Variants in GRIN2A observed in about 807,000 individuals in gnomAD.
GRIN2A encodes glutamate receptor ionotropic, NMDA 2A.
A neutral mutation model predicts 113.4 loss-of-function variants in GRIN2A; 22 were observed. The ratio of observed to expected loss-of-function variants is 0.19; its 90% CI spans 0.14 to 0.28. The LOEUF is 0.28. GRIN2A is among the 10% of genes least tolerant of loss of function. The probability of loss-of-function intolerance (pLI) is 1.00; values close to 1 mark genes in which losing one functional copy is unlikely to be tolerated. For missense variants in GRIN2A, 1,502 were observed against 1,887.0 expected, an observed-to-expected ratio of 0.80 and a Z score of 3.78; for synonymous variants, 827 against 738.4, an observed-to-expected ratio of 1.12 and a Z score of -1.94.
At chr16:10,080,029 A>T (rs1004904222) in intron 2 of GRIN2A, among the ~76,000 whole-genome samples, 1 of 152,214 alleles carries the variant, frequency 6.6e-6, no homozygotes, top group Non-Finnish European at 1.5e-5. Context: ...AATTGATGGC[A>T]CTTTTGTGCA....
chr16:9,866,283 A>G (rs2043159007), intron 4 of GRIN2A, among the ~76,000 whole-genome samples: 1 of 152,178 alleles, frequency 6.6e-6, no homozygotes, highest in Non-Finnish European at 1.5e-5. Context: ...AAGGAGTGCA[A>G]TGGAGGGGAG....
At chr16:10,010,282 T>A (rs950989867) in intron 2 of GRIN2A, among the ~76,000 whole-genome samples, 1 of 152,222 alleles carries the variant, frequency 6.6e-6, no homozygotes, top group African/African-American at 2.4e-5. Context: ...CTCACCTAGG[T>A]GAGTTTCCAC....
Position 9,822,169 on chromosome 16 carries a change from A to G in GRIN2A, c.2168+95T>C, listed in dbSNP as rs1013166701. The stretch of plus-strand genomic sequence containing the variant: ...ACCACAGTCACTCTCCAGAAATACA[A>G]TGGGAGCAGATAGGAACTGAGGCAT... On this transcript the variant is annotated intron_variant, in intron 10 of 12. Transcript: ENST00000330684. 6.0e-5 allele frequency: 77 copies of G among 1,272,798 alleles called. 2 individuals are homozygous for G. In the South Asian group the frequency reaches 8.6e-4, roughly 14 times the overall value. 78.8% of individuals were successfully genotyped at this position (1,272,798 alleles called of 1,614,324 possible).
chr16:9,891,035 T>A lies in GRIN2A; in HGVS notation c.1073A>T (p.His358Leu), dbSNP rs1368175896. ...LSFTEEGYQV[H>L]PRLVVIVLNK... The stretch of plus-strand genomic sequence containing the variant: ...CAGCACAATCACCACCAGCCTGGGG[T>A]GCACCTGGTAGCCTTCCTCAGTGAA... Residue 358 changes from histidine to leucine, a missense_variant, in exon 4 of 13, where the codon CAC (histidine) becomes CTC (leucine). Physicochemically the swap from His to Leu is moderately conservative, Grantham distance 99 (BLOSUM62 -3). Transcript: ENST00000330684. 1.2e-6 allele frequency: 2 copies of A among 1,613,392 alleles called. No individual in the cohort carries two copies. Among genetic ancestry groups the A allele is most frequent in the African/African-American group, 1.3e-5 (1 of 74,888 alleles).
intron 4 of GRIN2A, among the ~76,000 whole-genome samples, chr16:9,876,587 T>C (rs1426240095): frequency 2.0e-5 from 3 of 152,168 alleles, no homozygotes; most frequent in African/African-American, 7.2e-5. Context: ...AGCCTGGTGT[T>C]GGGTCTGATC....
intron 9 of GRIN2A, among the ~76,000 whole-genome samples, chr16:9,823,610 G>C (rs1264451809): frequency 6.6e-6 from 1 of 152,212 alleles, no homozygotes; most frequent in African/African-American, 2.4e-5. Context: ...TGGGAACCTA[G>C]TTGGGTCCAG....
At chr16:10,113,560 C>A (rs927105666) in intron 2 of GRIN2A, among the ~76,000 whole-genome samples, 11 of 152,218 alleles carry the variant, frequency 7.2e-5, no homozygotes, top group Non-Finnish European at 1.5e-4. Context: ...ACAGTTACAT[C>A]ACTGTGTATT....
intron 11 of GRIN2A, among the ~76,000 whole-genome samples, chr16:9,777,937 C>T (rs577620739): frequency 1.4e-4 from 21 of 152,178 alleles, no homozygotes; most frequent in Non-Finnish European, 2.6e-4. Flanking sequence ...TGGTCGTGGG[C>T]GCCTGTAATC....
At chr16:9,905,485 CA>C (rs1230479742) in intron 3 of GRIN2A, among the ~76,000 whole-genome samples, 1 of 152,160 alleles carries the variant, frequency 6.6e-6, no homozygotes, top group Non-Finnish European at 1.5e-5. Flanking sequence ...TAAAGGCATT[CA>C]AATTCATTTA....
intron 2 of GRIN2A, among the ~76,000 whole-genome samples, chr16:10,110,255 A>G (rs952596778): frequency 2.6e-5 from 4 of 152,232 alleles, no homozygotes; most frequent in African/African-American, 9.6e-5. Flanking sequence ...GAAAAGTTGA[A>G]TGGAAACCAT....
intron 3 of GRIN2A, among the ~76,000 whole-genome samples, chr16:9,912,325 T>C (rs1175488050): frequency 2.0e-5 from 3 of 151,938 alleles, no homozygotes; most frequent in East Asian, 1.9e-4. Context: ...AATGATGTGA[T>C]GTTGATGATG....
At chr16:10,114,711 G>C (rs1361346782) in intron 2 of GRIN2A, among the ~76,000 whole-genome samples, 1 of 152,192 alleles carries the variant, frequency 6.6e-6, no homozygotes, top group Non-Finnish European at 1.5e-5. Flanking sequence ...AGAGCCCAAA[G>C]CCTGTGCTTA....
Position 9,754,672 on chromosome 16 carries a change from A to G in GRIN2A, c.*8477T>C, listed in dbSNP as rs898784271. 2 of 218,542 alleles carry G rather than the reference A, an allele frequency of 9.2e-6. No homozygotes were observed. The highest frequency in any genetic ancestry group is 1.4e-4 in the East Asian group (2 of 14,736). 13.5% of individuals were successfully genotyped at this position (218,542 alleles called of 1,614,324 possible). ...AATTTAAAAAAGATTTTAAAAGTCA[A>G]TACTGTTCATTCACTTGAATTAGCT... is the stretch of plus-strand genomic sequence containing the variant. On this transcript the variant is annotated 3_prime_UTR_variant, in exon 13 of 13. Transcript: ENST00000330684.
chr16:10,106,256 T>C (rs2048499630), intron 2 of GRIN2A, among the ~76,000 whole-genome samples: 1 of 151,756 alleles, frequency 6.6e-6, no homozygotes, highest in African/African-American at 2.4e-5. Context: ...CAAATTCTTT[T>C]TTAATTTACA....
chr16:10,112,193 C>T, intron 2 of GRIN2A: 1 of 590,694 alleles, frequency 1.7e-6, no homozygotes. Flanking sequence ...ACGTCATAGT[C>T]TTGGACTCCT....
intron 2 of GRIN2A, among the ~76,000 whole-genome samples, chr16:9,939,356 G>T (rs2044800561): frequency 6.6e-6 from 1 of 152,120 alleles, no homozygotes; most frequent in Non-Finnish European, 1.5e-5. Flanking sequence ...ACCGAAAGGA[G>T]GCGGACGATA....
At chr16:10,128,450 A>G (rs899334880) in intron 2 of GRIN2A, among the ~76,000 whole-genome samples, 1 of 152,206 alleles carries the variant, frequency 6.6e-6, no homozygotes, top group Non-Finnish European at 1.5e-5. Context: ...CTATCTGGGA[A>G]GTGTGAACTG....
intron 2 of GRIN2A, among the ~76,000 whole-genome samples, chr16:10,013,255 G>T (rs1045428828): frequency 3.3e-5 from 5 of 152,098 alleles, no homozygotes; most frequent in African/African-American, 1.2e-4. Context: ...TGTATCTATG[G>T]GCTGGATTCA....
intron 3 of GRIN2A, among the ~76,000 whole-genome samples, chr16:9,914,904 G>T (rs1397200253): frequency 2.1e-5 from 1 of 48,690 alleles, no homozygotes. Context: ...TGATTATGCA[G>T]CTTTTTTTTT....
Sources: gnomAD v4.1 joint callset for allele counts (sites outside exome capture counted in the v4.1 genomes callset) on GRCh38, gnomAD v4.1.1 for gene constraint, MANE v1.5 for transcripts, NCBI Gene and HGNC (gene_info 2026-07-23, HGNC 2026-07-21) for gene names.